The following NSG2 variants were observed in gnomAD, a reference collection of about 807,000 sequenced individuals.
NSG2 encodes neuronal vesicle trafficking-associated protein 2.
NSG2 carries 4 observed loss-of-function variants against 16.9 expected under a neutral mutation model. The observed-to-expected ratio is 0.24, with a 90% CI of 0.12 to 0.54. The LOEUF is 0.54. Among genes scored for constraint, NSG2 ranks in the 20% least tolerant of loss-of-function variants. The probability of loss-of-function intolerance (pLI) is 0.95; values close to 1 mark genes in which losing one functional copy is unlikely to be tolerated. For synonymous variants in NSG2, 98 were observed against 88.7 expected (o/e 1.11, Z -0.59); for missense variants, 179 against 221.1 (o/e 0.81, Z 1.21).
chr5:174,070,223 A>C (rs1189417024), intron 3 of NSG2, among the ~76,000 whole-genome samples: 4 of 152,078 alleles, frequency 2.6e-5, no homozygotes, highest in African/African-American at 9.7e-5. Flanking sequence ...TTAGTACTTC[A>C]GTTATAAGAC....
intron 3 of NSG2, among the ~76,000 whole-genome samples, chr5:174,077,692 C>G (rs1429877916): frequency 6.6e-6 from 1 of 152,128 alleles, no homozygotes; most frequent in Non-Finnish European, 1.5e-5. Flanking sequence ...GGACTTTAAT[C>G]ACTGGGCAGA....
chr5:174,069,575 A>G (rs1760200441), intron 3 of NSG2, among the ~76,000 whole-genome samples: 1 of 152,164 alleles, frequency 6.6e-6, no homozygotes, highest in African/African-American at 2.4e-5. Flanking sequence ...GACAATAATA[A>G]TGAATAGTCT....
intron 3 of NSG2, among the ~76,000 whole-genome samples, chr5:174,083,512 C>T (rs2113457319): frequency 6.6e-6 from 1 of 152,302 alleles, no homozygotes; most frequent in South Asian, 2.1e-4. Flanking sequence ...GTGCTGGAGG[C>T]CCCTTTCATT....
At chr5:174,052,446 C>A (rs1759903834) in intron 2 of NSG2, among the ~76,000 whole-genome samples, 1 of 152,080 alleles carries the variant, frequency 6.6e-6, no homozygotes, top group Admixed American at 6.5e-5. Context: ...GCCTGGCCTG[C>A]AGTGGGCAGT....
intron 3 of NSG2, chr5:174,084,111 T>G (rs752550701): frequency 4.6e-5 from 7 of 152,196 alleles, no homozygotes; most frequent in Non-Finnish European, 7.3e-5. Flanking sequence ...GCCTCCAACT[T>G]ATGGCCATCC....
intron 3 of NSG2, among the ~76,000 whole-genome samples, chr5:174,096,744 T>A (rs564572441): frequency 6.6e-6 from 1 of 152,008 alleles, no homozygotes; most frequent in South Asian, 2.1e-4. Flanking sequence ...ATAAATAAGC[T>A]GTGTCAGAGG....
chr5:174,089,786 T>C lies in NSG2; in HGVS notation c.214-14442T>C, dbSNP rs75447995. On this transcript the variant is annotated intron_variant, in intron 3 of 4. Coordinates refer to ENST00000303177, the MANE Select transcript of NSG2 (RefSeq NM_015980.5). The stretch of plus-strand genomic sequence containing the variant: ...TACACTACCACCTCCGGCTAGTTTT[T>C]ACTTTTTTCTTTTTTGTAGAGATGG... Among the ~76,000 whole-genome samples, 1,418 of 152,268 alleles carry C rather than the reference T, an allele frequency of 9.3e-3. 18 individuals carry two copies. The highest frequency in any genetic ancestry group is 0.073 in the East Asian group (378 of 5,178).
At chr5:174,085,052 T>C (rs1181641099) in intron 3 of NSG2, among the ~76,000 whole-genome samples, 1 of 152,226 alleles carries the variant, frequency 6.6e-6, no homozygotes, top group Admixed American at 6.5e-5. Context: ...ATTAAGGCTG[T>C]GACTCACCAG....
intron 3 of NSG2, among the ~76,000 whole-genome samples, chr5:174,101,856 A>T (rs1426231411): frequency 6.6e-6 from 1 of 152,098 alleles, no homozygotes; most frequent in Non-Finnish European, 1.5e-5. Context: ...GTACTATTCA[A>T]ATAGGAGTTT....
chr5:174,100,209 G>C (rs966898544), intron 3 of NSG2, among the ~76,000 whole-genome samples: 1 of 152,212 alleles, frequency 6.6e-6, no homozygotes, highest in African/African-American at 2.4e-5. Flanking sequence ...TTAGACCCTT[G>C]ACTCTGACAG....
intron 2 of NSG2, among the ~76,000 whole-genome samples, chr5:174,051,465 T>C (rs2113419649): frequency 6.6e-6 from 1 of 152,356 alleles, no homozygotes; most frequent in East Asian, 1.9e-4. Flanking sequence ...CTCTCCTGAA[T>C]GCCTTCCTTG....
chr5:174,097,346 G>A (rs1195165526), intron 3 of NSG2, among the ~76,000 whole-genome samples: 2 of 151,966 alleles, frequency 1.3e-5, no homozygotes, highest in Non-Finnish European at 2.9e-5. Context: ...CGGGGTTGAG[G>A]AGAGGGAAGA....
chr5:174,108,086 C>T lies in NSG2; in HGVS notation c.*581C>T. ...TTTTGGCATTACTAAGCCCAGAACG[C>T]ACATAACCCATAGTGAAATGTGCTG... On this transcript the variant is annotated 3_prime_UTR_variant, in exon 5 of 5. Transcript: ENST00000303177. The T allele has an allele frequency of 3.6e-6, 1 of 276,998 alleles. No individual in the cohort carries two copies. 17.2% of individuals were successfully genotyped at this position (276,998 alleles called of 1,614,324 possible).
At chr5:174,105,593 A>T (rs1021707302) in intron 4 of NSG2, among the ~76,000 whole-genome samples, 2 of 152,216 alleles carry the variant, frequency 1.3e-5, no homozygotes, top group Admixed American at 1.3e-4. Context: ...ATGTGTCCTT[A>T]GAATACACTC....
intron 4 of NSG2, among the ~76,000 whole-genome samples, chr5:174,106,855 A>G (rs1760991531): frequency 2.0e-5 from 3 of 152,014 alleles, no homozygotes; most frequent in Admixed American, 2.0e-4. Flanking sequence ...AGCCTCCCAA[A>G]GTGCTGGAAT....
intron 3 of NSG2, among the ~76,000 whole-genome samples, chr5:174,083,444 G>A (rs1309028522): frequency 6.6e-6 from 1 of 152,188 alleles, no homozygotes; most frequent in African/African-American, 2.4e-5. Flanking sequence ...ATGGAACAGC[G>A]TAACTTTCCT....
In NSG2 at chr5:174,107,361, G is replaced by A. The variant is rs772931203; in HGVS notation, c.372G>A (p.Gln124=). The A allele has an allele frequency of 3.1e-5, 50 of 1,599,588 alleles. No individual in the cohort carries two copies. Among genetic ancestry groups the A allele is most frequent in the Non-Finnish European group, 4.1e-5 (48 of 1,168,980 alleles). Residue 124 remains glutamine (Q), a synonymous_variant, in exon 5 of 5, where the codon CAG becomes CAA. Transcript: ENST00000303177. This position sits in a 1 kb window ranked among gnomAD's most constrained non-coding sequence, Gnocchi z 4.5. ...PASLDAYYSS[Q]DPNSRSRFYT... is the part of the protein sequence containing the mutation. ...CCCTGGATGCTTACTACTCCTCCCA[G>A]GACCCCAATTCCAGAAGCCGCTTCT... is the stretch of plus-strand genomic sequence containing the variant.
chr5:174,102,754 T>TTTTA (rs1176455020), intron 3 of NSG2, among the ~76,000 whole-genome samples: 4,575 of 90,808 alleles, frequency 0.05, 108 homozygotes, highest in East Asian at 0.095. Context: ...GCTTTGTTTT[T>TTTTA]TTTATTTATT....
intron 1 of NSG2, 180 bp downstream of exon 1, chr5:174,046,023 T>G (rs1301990210): frequency 6.6e-6 from 1 of 151,340 alleles, no homozygotes; most frequent in Admixed American, 6.6e-5. Context: ...GATCTGGAGA[T>G]GAATAAATGT....
Sources: gnomAD v4.1 joint callset for allele counts (sites outside exome capture counted in the v4.1 genomes callset) on GRCh38, gnomAD v4.1.1 for gene constraint, Gnocchi (gnomAD v3.1) non-coding constraint, MANE v1.5 for transcripts, NCBI Gene and HGNC (gene_info 2026-07-23, HGNC 2026-07-21) for gene names.